The following ADCY7 variants were observed in gnomAD, a reference collection of about 807,000 sequenced individuals.
ADCY7 encodes adenylate cyclase 7, also known as adenylate cyclase type 7.
In ADCY7, 72 loss-of-function variants were observed where a neutral mutation model predicts 120.6. The ratio of observed to expected loss-of-function variants is 0.60; its 90% CI spans 0.49 to 0.73. The LOEUF (loss-of-function observed/expected upper bound fraction) is 0.73. Ranked by LOEUF, ADCY7 falls within the 30% of genes least tolerant of loss-of-function variation. The probability of loss-of-function intolerance (pLI) is 0.00; values close to 1 mark genes in which losing one functional copy is unlikely to be tolerated. For missense variants in ADCY7, 1,227 were observed against 1,486.0 expected (o/e 0.83, Z 2.87); for synonymous variants, 661 against 628.0 (o/e 1.05, Z -0.78).
At chr16:50,265,967 T>C (rs1439363305), upstream of ADCY7, among the ~76,000 whole-genome samples, 2 of 152,136 alleles carry the variant, frequency 1.3e-5, no homozygotes, top group Non-Finnish European at 2.9e-5. Flanking sequence ...TGCCCAGGGA[T>C]GTTGGGGGCT....
chr16:50,267,545 GC>G (rs1467269245), intron 1 of ADCY7, among the ~76,000 whole-genome samples: 3 of 152,148 alleles, frequency 2.0e-5, no homozygotes, highest in African/African-American at 7.2e-5. Context: ...GTCTGGAAGG[GC>G]TATGTGACCG....
At chr16:50,250,456 C>CA (rs34443362) in intron 1 of ADCY7, among the ~76,000 whole-genome samples, 3,151 of 67,194 alleles carry the variant, frequency 0.047, 55 homozygotes, top group African/African-American at 0.052. Flanking sequence ...GACTCTATCT[C>CA]AAAAAAAAAA....
chr16:50,249,825 C>T (rs1158594621), intron 1 of ADCY7, among the ~76,000 whole-genome samples: 1 of 152,234 alleles, frequency 6.6e-6, no homozygotes, highest in Non-Finnish European at 1.5e-5. Flanking sequence ...TGCGGCCCAG[C>T]CCATGTGTGC....
chr16:50,276,192 A>G (rs1567540011), intron 1 of ADCY7, among the ~76,000 whole-genome samples: 4 of 152,172 alleles, frequency 2.6e-5, no homozygotes, highest in African/African-American at 4.8e-5. Flanking sequence ...TAGGCCCTAC[A>G]TGGAGGGGTC....
chr16:50,286,205 C>A (rs1267454772), intron 1 of ADCY7, among the ~76,000 whole-genome samples: 1 of 151,448 alleles, frequency 6.6e-6, no homozygotes, highest in Non-Finnish European at 1.5e-5. Flanking sequence ...CTAGCCTGGG[C>A]AACATGGCAA....
chr16:50,292,852 C>G lies in ADCY7; in HGVS notation c.687+27C>G, dbSNP rs760648441. 3.1e-6 allele frequency: 5 copies of G among 1,608,032 alleles called. No homozygotes were observed. In the Admixed American group the frequency reaches 8.4e-5, roughly 27 times the overall value. On this transcript the variant is annotated intron_variant, in intron 5 of 25. Transcript: ENST00000673801. The stretch of plus-strand genomic sequence containing the variant: ...TGGGACCCGGCCCCCACTCCTCACC[C>G]TGTACACCCCTGTCCTCTTCCTCTT...
rs149097278 is a variant in ADCY7, at chr16:50,269,453, C to T, written c.-269+2773C>T. Among the ~76,000 whole-genome samples, 93 of 152,332 alleles carry T rather than the reference C, an allele frequency of 6.1e-4. 1 individual carries two copies. In the Middle Eastern group the frequency reaches 0.014, roughly 22 times the overall value. Reference sequence around the variant, plus strand: ...CCTGTGAGGGCCTCCCCTACCCTGCCCTGTGCCTGGACTTCGCTGGGCCCA... The same window carrying T: ...CCTGTGAGGGCCTCCCCTACCCTGCTCTGTGCCTGGACTTCGCTGGGCCCA... On this transcript the variant is annotated intron_variant, in intron 1 of 25. Coordinates refer to ENST00000673801, the MANE Select transcript of ADCY7 (RefSeq NM_001114.5).
chr16:50,291,847 G>C lies in ADCY7; in HGVS notation c.487G>C (p.Gly163Arg), dbSNP rs200218186. ...VSTASHLLVL[G>R]SLMGGFTTPS... Reference sequence around the variant, plus strand: ...CACTGCCTCCCACCTCCTGGTGCTCGGTTCTTTGATGGGAGGCTTCACGAC... The same window carrying C: ...CACTGCCTCCCACCTCCTGGTGCTCCGTTCTTTGATGGGAGGCTTCACGAC... Residue 163 changes from glycine to arginine, a missense_variant, in exon 4 of 26, where the codon GGT becomes CGT. Coordinates refer to ENST00000673801, the MANE Select transcript of ADCY7 (RefSeq NM_001114.5). 3 of 1,613,950 alleles carry C rather than the reference G, an allele frequency of 1.9e-6. No homozygotes were observed. Among genetic ancestry groups the C allele is most frequent in the Non-Finnish European group, 2.5e-6 (3 of 1,179,894 alleles).
chr16:50,256,258 C>CA (rs1170583290), intron 1 of ADCY7, among the ~76,000 whole-genome samples: 1 of 152,088 alleles, frequency 6.6e-6, no homozygotes, highest in Non-Finnish European at 1.5e-5. Context: ...AAAAAATGGG[C>CA]AAAGAACCTG....
chr16:50,272,822 AC>A (rs1394154675), intron 1 of ADCY7, among the ~76,000 whole-genome samples: 8 of 151,684 alleles, frequency 5.3e-5, no homozygotes, highest in Admixed American at 5.3e-4. Context: ...TGTCTCCGGT[AC>A]CCCCTCTGGC....
chr16:50,294,852 G>A (rs754851510), intron 7 of ADCY7, 101 bp downstream of exon 7: 38 of 784,300 alleles, frequency 4.8e-5, no homozygotes, highest in Non-Finnish European at 7.6e-5. Flanking sequence ...TTGGGATGGG[G>A]AGGCGTGGCT....
intron 1 of ADCY7, among the ~76,000 whole-genome samples, chr16:50,250,447 A>G (rs1013473421): frequency 4.5e-5 from 6 of 134,604 alleles, no homozygotes; most frequent in African/African-American, 1.8e-4. Flanking sequence ...ACAAAGCAAG[A>G]CTCTATCTCA....
chr16:50,258,122 G>A (rs1034582298), intron 1 of ADCY7, among the ~76,000 whole-genome samples: 1 of 152,144 alleles, frequency 6.6e-6, no homozygotes, highest in African/African-American at 2.4e-5. Flanking sequence ...TAACCTCCAA[G>A]CTACTCGAGA....
chr16:50,305,654 A>G, intron 13 of ADCY7, 68 bp downstream of exon 13: 2 of 1,514,406 alleles, frequency 1.3e-6, no homozygotes, highest in Non-Finnish European at 1.8e-6. Context: ...CTATATGGGC[A>G]GGCCCATCTC....
At chr16:50,267,125 C>G (rs189562899) in intron 1 of ADCY7, among the ~76,000 whole-genome samples, 103 of 152,316 alleles carry the variant, frequency 6.8e-4, no homozygotes, top group African/African-American at 2.3e-3. Context: ...AAAAAACAAA[C>G]AAAACCTCTG....
chr16:50,267,076 G>A (rs1358005688), intron 1 of ADCY7, among the ~76,000 whole-genome samples: 1 of 152,178 alleles, frequency 6.6e-6, no homozygotes, highest in Non-Finnish European at 1.5e-5. Context: ...ACATTGGCAA[G>A]GGAAGGCCAA....
intron 10 of ADCY7, among the ~76,000 whole-genome samples, chr16:50,303,248 T>TG (rs1483483589): frequency 2.0e-5 from 3 of 152,228 alleles, no homozygotes; most frequent in Admixed American, 2.0e-4. Context: ...CTTCCTGCTC[T>TG]GGGACACTCA....
rs2035397747 is a variant in ADCY7 at position 50,297,035 on chromosome 16, A to T, written c.949-1869A>T. Among the ~76,000 whole-genome samples, 1 of 152,176 alleles carries T rather than the reference A, an allele frequency of 6.6e-6. No individual in the cohort carries two copies. Among genetic ancestry groups the T allele is most frequent in the Non-Finnish European group, 1.5e-5 (1 of 68,014 alleles). On this transcript the variant is annotated intron_variant, in intron 7 of 25. Coordinates refer to ENST00000673801, the MANE Select transcript of ADCY7 (RefSeq NM_001114.5). This position sits in a 1 kb window ranked among gnomAD's most constrained non-coding sequence, Gnocchi z 4.4. ...ACAGCTGGCCCTTTCCTTACCATAA[A>T]GCCCACACAGAGGGTCCCTTGCCCT... is the stretch of plus-strand genomic sequence containing the variant.
chr16:50,307,415 G>A (rs941474345), intron 15 of ADCY7, among the ~76,000 whole-genome samples: 1 of 152,194 alleles, frequency 6.6e-6, no homozygotes, highest in African/African-American at 2.4e-5. Context: ...CATTTTGGTT[G>A]ACAGCCCTTG....
Sources: allele counts gnomAD v4.1 joint callset (sites outside exome capture counted in the v4.1 genomes callset), GRCh38; gene constraint gnomAD v4.1.1; non-coding constraint Gnocchi (gnomAD v3.1); transcripts MANE v1.5; gene names NCBI Gene and HGNC (gene_info 2026-07-23, HGNC 2026-07-21).